The following HEATR5B variants were observed in gnomAD, a reference collection of about 807,000 sequenced individuals.
The protein encoded by HEATR5B is HEAT repeat-containing protein 5B.
In HEATR5B, 156 loss-of-function variants were observed where a neutral mutation model predicts 224.1. That is an observed-to-expected ratio of 0.70 (90% CI 0.61 to 0.80). The LOEUF (loss-of-function observed/expected upper bound fraction) is 0.80, where lower values mean the gene tolerates loss of function less well. Ranked by LOEUF, HEATR5B falls within the 30% of genes least tolerant of loss-of-function variation. The pLI, the probability that HEATR5B is intolerant of heterozygous loss-of-function variation, is 0.00. For missense variants in HEATR5B, 2,323 were observed against 2,535.5 expected (o/e 0.92, Z 1.80); for synonymous variants, 1,027 against 893.0 (o/e 1.15, Z -2.68).
rs750598603 is a variant in HEATR5B at position 36,981,546 on chromosome 2, G to A, written c.6160C>T (p.Pro2054Ser). The A allele has an allele frequency of 1.2e-6, 2 of 1,613,958 alleles. No homozygotes were observed. The highest frequency in any genetic ancestry group is 1.7e-6 in the Non-Finnish European group (2 of 1,179,966). ...GGTGCAGAATGTATGGCGGGGGCTGGTTGTCTGGCAGCCGCTTTAGCTTTG... is the reference window on the plus strand; with the variant it reads ...GGTGCAGAATGTATGGCGGGGGCTGATTGTCTGGCAGCCGCTTTAGCTTTG... ...ASKAKAAARQPAPAIHSAPTI... is the reference protein window; with the variant it reads ...ASKAKAAARQSAPAIHSAPTI... The change falls in exon 36 of 36, where the codon CCA becomes TCA. Residue 2054 changes from proline (P) to serine (S), a missense_variant. Around this residue, in one of 12 missense-constraint regions of HEATR5B, gnomAD observed 844 missense variants for 812.9 expected, o/e 1.04. Coordinates refer to ENST00000233099, the MANE Select transcript of HEATR5B (RefSeq NM_019024.3).
chr2:37,081,223 ATT>A (rs1450614413), intron 2 of HEATR5B, among the ~76,000 whole-genome samples: 2 of 152,016 alleles, frequency 1.3e-5, no homozygotes, highest in Non-Finnish European at 1.5e-5. Context: ...GAATCCATGC[ATT>A]GTTTTTTTTT....
chr2:37,057,260 T>C, intron 15 of HEATR5B, 57 bp downstream of exon 15: 1 of 1,332,016 alleles, frequency 7.5e-7, no homozygotes, highest in South Asian at 1.4e-5. Flanking sequence ...TGACAATGTG[T>C]AATAGGACCA....
chr2:37,072,355 C>T lies in HEATR5B; in HGVS notation c.598-74G>A, dbSNP rs1056144531. 2.5e-5 allele frequency: 26 copies of T among 1,034,454 alleles called. No homozygotes were observed. The Admixed American group carries it at 5.4e-4, about 22-fold the overall frequency. 64.1% of individuals were successfully genotyped at this position (1,034,454 alleles called of 1,614,324 possible). On this transcript the variant is annotated intron_variant, in intron 5 of 35. Coordinates refer to ENST00000233099, the MANE Select transcript of HEATR5B (RefSeq NM_019024.3). ...CAGAGATGGAATAGCAAGAACCAGA[C>T]TTACCACCTCTCCTGAGATAACCAA...
At chr2:37,015,435 C>T (rs940741583) in intron 26 of HEATR5B, among the ~76,000 whole-genome samples, 5 of 151,896 alleles carry the variant, frequency 3.3e-5, no homozygotes, top group East Asian at 1.9e-4. Flanking sequence ...AGAGATGATA[C>T]GGATCAAACT....
chr2:37,037,790 A>C, intron 21 of HEATR5B, 65 bp downstream of exon 21: 1 of 1,251,724 alleles, frequency 8.0e-7, no homozygotes, highest in Non-Finnish European at 1.0e-6. Context: ...TATCCATAAA[A>C]AATTTTTTAA....
chr2:37,017,177 G>T (rs1192625789), intron 26 of HEATR5B, among the ~76,000 whole-genome samples: 1 of 152,154 alleles, frequency 6.6e-6, no homozygotes, highest in African/African-American at 2.4e-5. Context: ...CTGAGGTCAG[G>T]CATTCAAGAC....
In HEATR5B at chr2:36,981,798, T is replaced by C. The variant is rs1243743844; in HGVS notation, c.5912-4A>G. ...AAAAGAGCAAGTAGCTGGACTCCTG[T>C]AAATAATAAAGTATGAAAAAAGATC... On this transcript the variant is annotated splice_polypyrimidine_tract_variant and splice_region_variant and intron_variant, in intron 35 of 35. Transcript: ENST00000233099. The C allele has an allele frequency of 6.3e-7, 1 of 1,581,824 alleles. No homozygotes were observed. Among genetic ancestry groups the C allele is most frequent in the Non-Finnish European group, 8.6e-7 (1 of 1,163,722 alleles).
At chr2:37,017,628 G>A (rs1262565763) in intron 26 of HEATR5B, among the ~76,000 whole-genome samples, 2 of 143,074 alleles carry the variant, frequency 1.4e-5, no homozygotes, top group East Asian at 4.4e-4. Flanking sequence ...GGAGGGTGCA[G>A]TGAGCCAAGA....
At chr2:37,009,211 TCGCGCTGC>T (rs1273753131) in intron 27 of HEATR5B, among the ~76,000 whole-genome samples, 2 of 135,004 alleles carry the variant, frequency 1.5e-5, no homozygotes, top group East Asian at 4.3e-4. Context: ...TGAGCCGAGA[TCGCGCTGC>T]TGCACTCCAG....
chr2:36,998,345 G>GT (rs1420114347), intron 33 of HEATR5B, among the ~76,000 whole-genome samples: 1 of 152,136 alleles, frequency 6.6e-6, no homozygotes, highest in African/African-American at 2.4e-5. Flanking sequence ...AATTAAAACC[G>GT]TAAGACAGTA....
intron 33 of HEATR5B, among the ~76,000 whole-genome samples, chr2:36,991,378 C>T (rs1253784793): frequency 6.6e-6 from 1 of 151,746 alleles, no homozygotes; most frequent in Non-Finnish European, 1.5e-5. Context: ...GCTTGTAATC[C>T]CAGCTACTTG....
chr2:36,993,606 T>TC (rs1389716140), intron 33 of HEATR5B, among the ~76,000 whole-genome samples: 3 of 151,656 alleles, frequency 2.0e-5, no homozygotes, highest in African/African-American at 7.3e-5. Context: ...TCAAAGTATT[T>TC]CCCCACAGGT....
chr2:37,022,670 T>C (rs1668537861), intron 24 of HEATR5B, among the ~76,000 whole-genome samples: 1 of 152,120 alleles, frequency 6.6e-6, no homozygotes, highest in South Asian at 2.1e-4. Flanking sequence ...GAAACTTAAA[T>C]CTACAAAATA....
chr2:37,003,496 T>C, intron 31 of HEATR5B, 46 bp downstream of exon 31: 1 of 1,338,886 alleles, frequency 7.5e-7, no homozygotes, highest in Non-Finnish European at 1.0e-6. Flanking sequence ...AAAATTAGAG[T>C]ATAAAATAAG....
At chr2:37,016,554 C>T (rs1213423532) in intron 26 of HEATR5B, among the ~76,000 whole-genome samples, 5 of 152,182 alleles carry the variant, frequency 3.3e-5, no homozygotes, top group African/African-American at 4.8e-5. Context: ...ATAATTAACA[C>T]ACAGATGTAT....
At chr2:37,019,995 G>A (rs1037920884) in intron 25 of HEATR5B, 118 bp from the exon 26 acceptor site, 6 of 633,316 alleles carry the variant, frequency 9.5e-6, no homozygotes, top group South Asian at 1.9e-5. Flanking sequence ...CCTCTGCCTC[G>A]TAGGCTCAAG....
intron 32 of HEATR5B, 49 bp downstream of exon 32, chr2:37,002,257 T>G: frequency 7.5e-6 from 12 of 1,592,528 alleles, no homozygotes; most frequent in Non-Finnish European, 1.0e-5. Flanking sequence ...CAAGCTCATC[T>G]TTGTCTACTG....
rs946130067 is a variant in HEATR5B, at chr2:37,084,366, A to C, written c.-120T>G. On this transcript the variant is annotated 5_prime_UTR_variant, in exon 1 of 36. Transcript: ENST00000233099. ...CCTCCCGCACTCCTACCTGCAGGAAACAAGGGAAGAGCGCTTGCGCGGAGG... is the reference window on the plus strand; with the variant it reads ...CCTCCCGCACTCCTACCTGCAGGAACCAAGGGAAGAGCGCTTGCGCGGAGG... 2.6e-5 allele frequency: 14 copies of C among 541,872 alleles called. No individual in the cohort carries two copies. The highest frequency in any genetic ancestry group is 2.2e-4 in the Admixed American group (5 of 22,828). The allele number at this position is 541,872 out of a possible 1,614,324, so 33.6% of individuals were successfully genotyped here.
chr2:37,038,558 T>C (rs942452329), intron 20 of HEATR5B, among the ~76,000 whole-genome samples: 1 of 152,226 alleles, frequency 6.6e-6, no homozygotes, highest in African/African-American at 2.4e-5. Context: ...TAAACACCTA[T>C]GCTTAATAAA....
Sources: allele counts gnomAD v4.1 joint callset (sites outside exome capture counted in the v4.1 genomes callset), GRCh38; gene constraint gnomAD v4.1.1; regional missense constraint gnomAD v4.1.1; transcripts MANE v1.5; gene names NCBI Gene and HGNC (gene_info 2026-07-23, HGNC 2026-07-21).